Variants in HOMER2 observed in about 807,000 individuals in gnomAD.
HOMER2 encodes homer protein homolog 2.
HOMER2 carries 27 observed loss-of-function variants against 47.0 expected under a neutral mutation model. The observed-to-expected ratio is 0.57, with a 90% CI of 0.42 to 0.79. HOMER2 has a LOEUF of 0.79. Among genes scored for constraint, HOMER2 ranks in the 30% least tolerant of loss-of-function variants. The pLI is 0.00. For synonymous variants in HOMER2, 161 were observed against 163.8 expected (o/e 0.98, Z 0.13); for missense variants, 443 against 435.0 (o/e 1.02, Z -0.16).
intron 3 of HOMER2, among the ~76,000 whole-genome samples, chr15:82,867,394 G>A (rs1198284567): frequency 6.6e-6 from 1 of 151,402 alleles, no homozygotes; most frequent in Non-Finnish European, 1.5e-5. Context: ...AAACCAGAAG[G>A]GAAACAACAG....
intron 1 of HOMER2, among the ~76,000 whole-genome samples, chr15:82,948,692 A>G (rs1385820467): frequency 2.0e-5 from 3 of 152,236 alleles, no homozygotes; most frequent in Non-Finnish European, 4.4e-5. Flanking sequence ...AAGGTAAGAG[A>G]ATTCCAGGCA....
intron 1 of HOMER2, among the ~76,000 whole-genome samples, chr15:82,932,442 C>T (rs2054035170): frequency 1.3e-5 from 2 of 151,580 alleles, no homozygotes; most frequent in Non-Finnish European, 2.9e-5. Context: ...TTGCAGTGAG[C>T]CAAGATCACA....
At chr15:82,902,410 C>A (rs2053152014) in intron 1 of HOMER2, among the ~76,000 whole-genome samples, 1 of 152,030 alleles carries the variant, frequency 6.6e-6, no homozygotes, top group South Asian at 2.1e-4. Flanking sequence ...ATTGACCAGG[C>A]CGGTTTCAAA....
chr15:82,964,230 A>G (rs2054654425), intron 1 of HOMER2, among the ~76,000 whole-genome samples: 1 of 152,196 alleles, frequency 6.6e-6, no homozygotes, highest in South Asian at 2.1e-4. Flanking sequence ...TTGCCGAATG[A>G]AGCCTGGGAG....
chr15:82,907,826 G>A (rs2053333144), intron 1 of HOMER2, among the ~76,000 whole-genome samples: 2 of 152,012 alleles, frequency 1.3e-5, no homozygotes, highest in Admixed American at 6.5e-5. Context: ...TAATAGGAGT[G>A]GCCAAAAAGT....
At chr15:82,860,332 GATGAA>G (rs1343924832) in intron 4 of HOMER2, among the ~76,000 whole-genome samples, 1 of 152,070 alleles carries the variant, frequency 6.6e-6, no homozygotes, top group Non-Finnish European at 1.5e-5. Flanking sequence ...AATATTTACG[GATGAA>G]ATGAAACATC....
chr15:82,940,058 G>A (rs1400181306), intron 1 of HOMER2, among the ~76,000 whole-genome samples: 1 of 152,118 alleles, frequency 6.6e-6, no homozygotes, highest in Non-Finnish European at 1.5e-5. Flanking sequence ...CACACACCGA[G>A]GCCTGTCGTG....
chr15:82,981,225 A>C (rs1015080084), intron 1 of HOMER2, among the ~76,000 whole-genome samples: 2 of 152,178 alleles, frequency 1.3e-5, no homozygotes, highest in African/African-American at 4.8e-5. Context: ...CCCTGGATAA[A>C]CTGCATAACC....
chr15:82,890,481 TTGA>T (rs1226639300), intron 2 of HOMER2, among the ~76,000 whole-genome samples: 1 of 152,170 alleles, frequency 6.6e-6, no homozygotes, highest in Non-Finnish European at 1.5e-5. Flanking sequence ...AGTCTATAGC[TTGA>T]TGACTCTCCC....
intron 2 of HOMER2, among the ~76,000 whole-genome samples, chr15:82,876,409 G>C (rs2052351886): frequency 6.6e-6 from 1 of 152,250 alleles, no homozygotes; most frequent in African/African-American, 2.4e-5. Context: ...ATGAGTCAAG[G>C]TTCCTGGTCT....
intron 1 of HOMER2, among the ~76,000 whole-genome samples, chr15:82,983,969 C>T (rs1302629319): frequency 6.6e-6 from 1 of 151,926 alleles, no homozygotes; most frequent in Non-Finnish European, 1.5e-5. Flanking sequence ...CTATTTAGCG[C>T]ACTATAGCGC....
intron 4 of HOMER2, 199 bp from the exon 5 acceptor site, chr15:82,859,334 A>C (rs1047450103): frequency 3.1e-5 from 21 of 688,150 alleles, no homozygotes; most frequent in Admixed American, 1.5e-4. Flanking sequence ...AACAAACAAA[A>C]AAGAAAACAA....
chr15:82,971,822 T>C (rs1304272424), intron 1 of HOMER2, among the ~76,000 whole-genome samples: 1 of 152,160 alleles, frequency 6.6e-6, no homozygotes, highest in East Asian at 1.9e-4. Context: ...ATAGTAATAT[T>C]ATGACTGTCA....
chr15:82,908,114 A>G (rs904794691), intron 1 of HOMER2, among the ~76,000 whole-genome samples: 2 of 147,866 alleles, frequency 1.4e-5, no homozygotes, highest in Admixed American at 6.8e-5. Flanking sequence ...GGTAGAGGAA[A>G]TTGGGAGTGA....
chr15:82,910,261 C>A (rs757457428), intron 1 of HOMER2, among the ~76,000 whole-genome samples: 12 of 151,780 alleles, frequency 7.9e-5, no homozygotes, highest in African/African-American at 2.4e-4. Flanking sequence ...GGTGTCAAAG[C>A]CCCCACATTG....
chr15:82,929,507 T>C (rs2053949757), intron 1 of HOMER2, among the ~76,000 whole-genome samples: 1 of 151,490 alleles, frequency 6.6e-6, no homozygotes, highest in South Asian at 2.1e-4. Context: ...AATACAAAAA[T>C]TAGCCAGGTG....
chr15:82,876,070 G>A (rs558006428), intron 2 of HOMER2, among the ~76,000 whole-genome samples: 1 of 152,200 alleles, frequency 6.6e-6, no homozygotes, highest in Non-Finnish European at 1.5e-5. Context: ...GAGGGGTCAC[G>A]TAGAGCAAGC....
intron 1 of HOMER2, among the ~76,000 whole-genome samples, chr15:82,948,989 G>A (rs189709715): frequency 2.6e-5 from 4 of 152,334 alleles, no homozygotes; most frequent in African/African-American, 9.6e-5. Context: ...ATGGCTATGG[G>A]GTGAGGTGAA....
intron 1 of HOMER2, among the ~76,000 whole-genome samples, chr15:82,951,369 G>A (rs2054501737): frequency 6.6e-6 from 1 of 152,098 alleles, no homozygotes; most frequent in Non-Finnish European, 1.5e-5. Context: ...CAGCTCCCAT[G>A]GCTAAGACTC....
Sources: gnomAD v4.1 joint callset for allele counts (sites outside exome capture counted in the v4.1 genomes callset) on GRCh38, gnomAD v4.1.1 for gene constraint, MANE v1.5 for transcripts, NCBI Gene and HGNC (gene_info 2026-07-23, HGNC 2026-07-21) for gene names.